PRRT1B: variants seen among roughly 807,000 people sequenced by gnomAD.
PRRT1B encodes the protein proline rich transmembrane protein 1B.
At chr9:131,558,118 G>A (rs1298749561) in exon 4 of PRRT1B, 4 of 400,984 alleles carry the variant, frequency 1.0e-5, no homozygotes, top group East Asian at 3.6e-5. Flanking sequence ...AGGCCCGCTC[G>A]CTGGTGCTCT....
intron 2 of PRRT1B, 137 bp downstream of exon 2, chr9:131,555,166 T>C: frequency 3.7e-6 from 1 of 271,148 alleles, no homozygotes; most frequent in Middle Eastern, 9.4e-4. Flanking sequence ...GTGGGGGCAT[T>C]TGAGCGGGGT....
At chr9:131,552,365 T>A (rs1266976559) in intron 1 of PRRT1B, among the ~76,000 whole-genome samples, 1 of 152,236 alleles carries the variant, frequency 6.6e-6, no homozygotes, top group Non-Finnish European at 1.5e-5. Context: ...TATCAGGTCA[T>A]CTCAGGGTTG....
downstream of PRRT1B, among the ~76,000 whole-genome samples, chr9:131,559,542 G>A (rs113819777): frequency 1.8e-4 from 28 of 152,288 alleles, no homozygotes; most frequent in African/African-American, 6.0e-4. Flanking sequence ...GAGCAGCCTC[G>A]GTGTGCTGCT....
intron 1 of PRRT1B, among the ~76,000 whole-genome samples, chr9:131,547,708 C>T (rs938352352): frequency 4.6e-5 from 7 of 152,176 alleles, no homozygotes; most frequent in Non-Finnish European, 7.3e-5. Context: ...GAAAGATCCA[C>T]CTACGACCTC....
intron 1 of PRRT1B, among the ~76,000 whole-genome samples, chr9:131,546,030 G>A (rs906296424): frequency 6.6e-6 from 1 of 152,170 alleles, no homozygotes; most frequent in Non-Finnish European, 1.5e-5. Flanking sequence ...AAGCTGCTGT[G>A]GAAAGTTCAG....
At position 131,555,243 on chromosome 9, in the gene PRRT1B, C is replaced by T. The variant is rs542034310; in HGVS notation, c.498+214C>T. ...GGCGCCCTGGACAGAGGACACCGCA[C>T]AGGCGTGGAGGGGCCGAGACTGGGC... is the stretch of plus-strand genomic sequence containing the variant. On this transcript the variant is annotated intron_variant, in intron 2 of 3. Transcript: ENST00000636672. 4.6e-5 allele frequency among the ~76,000 whole-genome samples: 7 copies of T among 152,344 alleles called. No individual in the cohort carries two copies. In the East Asian group the frequency reaches 1.2e-3, roughly 25 times the overall value.
chr9:131,553,528 C>G (rs1258972557), intron 1 of PRRT1B, among the ~76,000 whole-genome samples: 2 of 152,216 alleles, frequency 1.3e-5, no homozygotes, highest in East Asian at 3.8e-4. Context: ...GCAGGACACG[C>G]CCAGGGGCTC....
rs78358970 is a variant in PRRT1B, at chr9:131,557,632, C to T, written c.643-421C>T. ...CTGGCTTGACTCTGCTGTTCAAGCC[C>T]CCAGCCATAAGCAGAAGGCAGCTCT... is the stretch of plus-strand genomic sequence containing the variant. On this transcript the variant is annotated intron_variant, in intron 3 of 3. Transcript: ENST00000636672. 5.3e-3 allele frequency among the ~76,000 whole-genome samples: 803 copies of T among 152,328 alleles called. 27 individuals carry two copies. The East Asian group carries it at 0.09, about 17-fold the overall frequency.
intron 1 of PRRT1B, among the ~76,000 whole-genome samples, chr9:131,552,609 G>GT (rs1426736540): frequency 4.6e-5 from 7 of 150,796 alleles, no homozygotes; most frequent in South Asian, 4.2e-4. Flanking sequence ...AGTTTTCAGA[G>GT]TTTTTTTTTA....
At position 131,551,995 on chromosome 9, in the gene PRRT1B, G is replaced by A. The variant is rs1195128747; in HGVS notation, c.26-2562G>A. Among the ~76,000 whole-genome samples, 1 of 152,152 alleles carries A rather than the reference G, an allele frequency of 6.6e-6. No individual in the cohort carries two copies. The highest frequency in any genetic ancestry group is 2.4e-5 in the African/African-American group (1 of 41,434). The stretch of plus-strand genomic sequence containing the variant: ...TTTAGTAGAGACGAGGTGTCACTGT[G>A]TTGGCCAGGCTGGTCTGGAACTCCT... On this transcript the variant is annotated intron_variant, in intron 1 of 3. Coordinates refer to ENST00000636672, the Ensembl canonical transcript of PRRT1B. The surrounding 1 kb of genome is among the most constrained non-coding windows in gnomAD (Gnocchi z 4.4).
chr9:131,555,056 T>C, intron 2 of PRRT1B, 27 bp downstream of exon 2: 4 of 388,840 alleles, frequency 1.0e-5, no homozygotes, highest in Non-Finnish European at 1.8e-5. Context: ...CTGGGCGCGC[T>C]CCCCTCCGTG....
rs61662684 is a variant in PRRT1B at position 131,552,839 on chromosome 9, A to ATTT, written c.26-1701_26-1699dup. ...ACACTTGTGCTGCCACACCTGGTTA[A>ATTT]TTTTTTTTTTTTTTTTTTTGTATTT... On this transcript the variant is annotated intron_variant, in intron 1 of 3. Coordinates refer to ENST00000636672, the Ensembl canonical transcript of PRRT1B. Among the ~76,000 whole-genome samples, 216 of 133,814 alleles carry ATTT rather than the reference A, an allele frequency of 1.6e-3. 4 individuals carry two copies. Among genetic ancestry groups the ATTT allele is most frequent in the Middle Eastern group, 3.9e-3 (1 of 256 alleles). 87.8% of individuals were successfully genotyped at this position (133,814 alleles called of 152,430 possible). A position where few individuals can be genotyped will look rare whatever the true frequency, so the allele number is the denominator to read the frequency against.
At position 131,551,672 on chromosome 9, in the gene PRRT1B, T is replaced by A. The variant is rs935911047; in HGVS notation, c.26-2885T>A. Among the ~76,000 whole-genome samples the A allele has an allele frequency of 3.9e-5, 6 of 152,044 alleles. No individual in the cohort carries two copies. The highest frequency in any genetic ancestry group is 7.2e-5 in the African/African-American group (3 of 41,388). On this transcript the variant is annotated intron_variant, in intron 1 of 3. Coordinates refer to ENST00000636672, the Ensembl canonical transcript of PRRT1B. The surrounding 1 kb of genome is among the most constrained non-coding windows in gnomAD (Gnocchi z 4.4). ...CCTGTTCCTGCCTTAACTGATGACA[T>A]TACCTTGTGAAATTCCTTCTCCTGG...
At chr9:131,555,120 C>CCTTGCAGAGGAGGAAACGCCACCTTGG (rs147776408) in intron 2 of PRRT1B, 91 bp downstream of exon 2, 253,200 of 381,278 alleles carry the variant, frequency 0.66, 86,186 homozygotes, top group African/African-American at 0.92. Context: ...TCACTTCTGT[C>CCTTGCAGAGGAGGAAACGCCACCTTGG]CCTGGGGGCG....
intron 1 of PRRT1B, among the ~76,000 whole-genome samples, chr9:131,547,718 C>G (rs941749923): frequency 1.3e-5 from 2 of 152,158 alleles, no homozygotes; most frequent in East Asian, 1.9e-4. Flanking sequence ...CCTACGACCT[C>G]GGGTCCTCAG....
chr9:131,549,435 C>G (rs1414282077), intron 1 of PRRT1B, among the ~76,000 whole-genome samples: 1 of 152,190 alleles, frequency 6.6e-6, no homozygotes, highest in Admixed American at 6.5e-5. Flanking sequence ...CCCATCTGTG[C>G]GGGACCCCAC....
intron 1 of PRRT1B, among the ~76,000 whole-genome samples, chr9:131,546,485 A>G (rs1950975761): frequency 6.6e-6 from 1 of 151,906 alleles, no homozygotes; most frequent in Non-Finnish European, 1.5e-5. Flanking sequence ...GGGCGGTGGC[A>G]GTGGGACCCC....
intron 1 of PRRT1B, among the ~76,000 whole-genome samples, chr9:131,547,609 G>C (rs1005975935): frequency 2.0e-5 from 3 of 152,262 alleles, no homozygotes; most frequent in South Asian, 4.2e-4. Context: ...CTCTTCACAC[G>C]GACGCGAGTG....
intron 2 of PRRT1B, among the ~76,000 whole-genome samples, chr9:131,555,736 G>C (rs373268415): frequency 6.6e-6 from 1 of 152,088 alleles, no homozygotes; most frequent in African/African-American, 2.4e-5. Context: ...GGCTGCCTGT[G>C]GGGGAAAGAT....
Sources: allele counts gnomAD v4.1 joint callset (sites outside exome capture counted in the v4.1 genomes callset), GRCh38; gene constraint gnomAD v4.1.1; non-coding constraint Gnocchi (gnomAD v3.1); transcripts MANE v1.5; gene names NCBI Gene and HGNC (gene_info 2026-07-23, HGNC 2026-07-21).